The following MCF2L2 variants were observed in gnomAD, a reference collection of about 807,000 sequenced individuals.
MCF2L2 encodes the protein probable guanine nucleotide exchange factor MCF2L2.
MCF2L2 carries 102 observed loss-of-function variants against 150.2 expected under a neutral mutation model. The observed-to-expected ratio is 0.68, with a 90% confidence interval of 0.58 to 0.80. The LOEUF is 0.80. Among genes scored for constraint, MCF2L2 ranks in the 30% least tolerant of loss-of-function variants. The pLI is 0.00. For missense variants in MCF2L2, 1,256 were observed against 1,372.8 expected, an observed-to-expected ratio of 0.91 and a Z score of 1.34; for synonymous variants, 465 against 491.3, an observed-to-expected ratio of 0.95 and a Z score of 0.71.
intron 1 of MCF2L2, among the ~76,000 whole-genome samples, chr3:183,414,551 C>T (rs1034991965): frequency 3.3e-5 from 5 of 152,162 alleles, no homozygotes; most frequent in Non-Finnish European, 7.4e-5. Context: ...TTCTACTCTA[C>T]ATTTCATTAA....
Position 183,179,565 on chromosome 3 carries a change from G to A in MCF2L2, c.3221+12C>T. ...CCAAAGAGGCGCTTAGTCTTTCCTC[G>A]CTCACACTCACGTTTCCTCCTCATC... On this transcript the variant is annotated intron_variant, in intron 29 of 29. Transcript: ENST00000328913. This position sits in a 1 kb window ranked among gnomAD's most constrained non-coding sequence, Gnocchi z 4.2. 6.2e-7 allele frequency: 1 copy of A among 1,613,602 alleles called. No individual in the cohort carries two copies. Among genetic ancestry groups the A allele is most frequent in the Non-Finnish European group, 8.5e-7 (1 of 1,179,736 alleles).
At chr3:183,246,206 T>G (rs1289360749) in intron 15 of MCF2L2, among the ~76,000 whole-genome samples, 1 of 152,168 alleles carries the variant, frequency 6.6e-6, no homozygotes, top group Non-Finnish European at 1.5e-5. Context: ...TGCATAAAAT[T>G]TACTATTTAA....
chr3:183,243,867 A>C (rs1724136615), intron 15 of MCF2L2, among the ~76,000 whole-genome samples: 1 of 152,156 alleles, frequency 6.6e-6, no homozygotes, highest in South Asian at 2.1e-4. Flanking sequence ...AACTAAAGAA[A>C]TCTATCCTTC....
intron 15 of MCF2L2, among the ~76,000 whole-genome samples, chr3:183,250,360 C>A (rs1379661909): frequency 2.0e-5 from 3 of 151,950 alleles, no homozygotes; most frequent in Non-Finnish European, 4.4e-5. Context: ...CCGAGGCGGG[C>A]GGATCACTTG....
In MCF2L2 at chr3:183,270,189, T is replaced by G. The variant is rs761428945; in HGVS notation, c.1862+6683A>C. On this transcript the variant is annotated intron_variant, in intron 15 of 29. Coordinates refer to ENST00000328913, the MANE Select transcript of MCF2L2 (RefSeq NM_015078.4). This position sits in a 1 kb window ranked among gnomAD's most constrained non-coding sequence, Gnocchi z 4.5. ...TGCCAACATCAAAACTCTGTTTGCCTTAGGAACTCCTAATCCACTGGAGGG... is the reference window on the plus strand; with the variant it reads ...TGCCAACATCAAAACTCTGTTTGCCGTAGGAACTCCTAATCCACTGGAGGG... 6.2e-7 allele frequency: 1 copy of G among 1,614,210 alleles called. No homozygotes were observed. Among genetic ancestry groups the G allele is most frequent in the Non-Finnish European group, 8.5e-7 (1 of 1,180,030 alleles).
intron 18 of MCF2L2, 186 bp from the exon 19 acceptor site, chr3:183,224,376 C>T: frequency 1.8e-6 from 1 of 545,168 alleles, no homozygotes; most frequent in Non-Finnish European, 3.3e-6. Flanking sequence ...AGGCTTTAAA[C>T]AACCATAACT....
chr3:183,192,819 C>G (rs639690), intron 27 of MCF2L2, 180 bp downstream of exon 27: 1 of 536,930 alleles, frequency 1.9e-6, no homozygotes, highest in Non-Finnish European at 3.3e-6. Context: ...GCCCCATTAG[C>G]TCTACACAAA....
chr3:183,206,239 G>T lies in MCF2L2; in HGVS notation c.2713-25C>A, dbSNP rs116284602. 1.4e-3 allele frequency: 2,155 copies of T among 1,508,672 alleles called. 25 individuals are homozygous for T. The African/African-American group carries it at 0.024, about 17-fold the overall frequency. 93.5% of individuals were successfully genotyped at this position (1,508,672 alleles called of 1,614,324 possible). A position where few individuals can be genotyped will look rare whatever the true frequency, so the allele number is the denominator to read the frequency against. On this transcript the variant is annotated intron_variant, in intron 23 of 29. Transcript: ENST00000328913. ...GCTATTATAAAGAGGGAAGAGAAATGTTCTATACCATCGTTTTCTGATTTT... is the reference window on the plus strand; with the variant it reads ...GCTATTATAAAGAGGGAAGAGAAATTTTCTATACCATCGTTTTCTGATTTT...
chr3:183,200,800 A>G (rs369850753), intron 25 of MCF2L2, among the ~76,000 whole-genome samples: 153 of 152,266 alleles, frequency 1.0e-3, no homozygotes, highest in African/African-American at 3.5e-3. Context: ...TCATTTTTGT[A>G]TAAGGTGTAA....
At chr3:183,204,715 C>T (rs2108645397) in intron 25 of MCF2L2, among the ~76,000 whole-genome samples, 1 of 152,198 alleles carries the variant, frequency 6.6e-6, no homozygotes, top group African/African-American at 2.4e-5. Context: ...ATATCTACAG[C>T]AGCTTTACTT....
chr3:183,284,663 T>C (rs1440796109), intron 14 of MCF2L2, among the ~76,000 whole-genome samples: 1 of 150,804 alleles, frequency 6.6e-6, no homozygotes, highest in Admixed American at 6.6e-5. Context: ...GATCACTCCA[T>C]GGCACTCCAG....
intron 5 of MCF2L2, among the ~76,000 whole-genome samples, chr3:183,326,740 CAT>C (rs1190178904): frequency 7.9e-5 from 12 of 151,812 alleles, no homozygotes; most frequent in Admixed American, 3.9e-4. Flanking sequence ...CATTTTCCCA[CAT>C]ATGTTGTTTC....
intron 27 of MCF2L2, among the ~76,000 whole-genome samples, chr3:183,187,501 GCT>G (rs1285223998): frequency 6.6e-6 from 1 of 151,938 alleles, no homozygotes; most frequent in Non-Finnish European, 1.5e-5. Flanking sequence ...ATGGAGTCTT[GCT>G]CTGTTTCCAG....
At chr3:183,411,385 A>T (rs566692989) in intron 1 of MCF2L2, among the ~76,000 whole-genome samples, 1 of 152,324 alleles carries the variant, frequency 6.6e-6, no homozygotes, top group South Asian at 2.1e-4. Context: ...ATTTGGGAAG[A>T]GCTGGTCCAT....
At chr3:183,355,044 T>C (rs1186491011) in intron 3 of MCF2L2, among the ~76,000 whole-genome samples, 1 of 150,836 alleles carries the variant, frequency 6.6e-6, no homozygotes, top group East Asian at 1.9e-4. Flanking sequence ...AATGCTTCTA[T>C]TTATTTTAAT....
intron 15 of MCF2L2, chr3:183,253,590 C>G (rs542594311): frequency 6.6e-5 from 10 of 152,388 alleles, no homozygotes; most frequent in African/African-American, 2.4e-4. Flanking sequence ...GTTACTGAGG[C>G]CCCCAGAGCT....
chr3:183,349,723 A>G (rs1419691970), intron 3 of MCF2L2, among the ~76,000 whole-genome samples: 1 of 152,212 alleles, frequency 6.6e-6, no homozygotes, highest in Non-Finnish European at 1.5e-5. Flanking sequence ...AACTTGCCTG[A>G]TATCACACTA....
chr3:183,248,546 C>T (rs916980344), intron 15 of MCF2L2, among the ~76,000 whole-genome samples: 1 of 152,182 alleles, frequency 6.6e-6, no homozygotes, highest in Admixed American at 6.5e-5. Flanking sequence ...TAGAAAATTA[C>T]ATTTCAGACC....
chr3:183,347,755 C>T (rs1450244150), intron 3 of MCF2L2, among the ~76,000 whole-genome samples: 2 of 152,180 alleles, frequency 1.3e-5, no homozygotes, highest in Admixed American at 1.3e-4. Flanking sequence ...TGAACAGACA[C>T]TTCTCAAAAG....
Sources: allele counts gnomAD v4.1 joint callset (sites outside exome capture counted in the v4.1 genomes callset), GRCh38; gene constraint gnomAD v4.1.1; non-coding constraint Gnocchi (gnomAD v3.1); transcripts MANE v1.5; gene names NCBI Gene and HGNC (gene_info 2026-07-23, HGNC 2026-07-21).